The following PLEKHB2 variants were observed in gnomAD, a reference collection of about 807,000 sequenced individuals.
The protein encoded by PLEKHB2 is pleckstrin homology domain containing B2, also known as pleckstrin homology domain-containing family B member 2.
In PLEKHB2, 31 loss-of-function variants were observed where a neutral mutation model predicts 36.5. The observed-to-expected ratio is 0.85, with a 90% confidence interval of 0.64 to 1.15. The LOEUF (loss-of-function observed/expected upper bound fraction) is 1.15, where lower values mean the gene tolerates loss of function less well. Among genes scored for constraint, PLEKHB2 ranks in the 50% most tolerant of loss-of-function variants. The pLI is 0.00. For missense variants in PLEKHB2, 262 were observed against 295.3 expected, an observed-to-expected ratio of 0.89 and a Z score of 0.83; for synonymous variants, 119 against 112.0, an observed-to-expected ratio of 1.06 and a Z score of -0.39.
In PLEKHB2 at chr2:131,148,581, C is replaced by T. The variant is rs1422113059; in HGVS notation, c.*1808C>T. ...CTGTCTTGCTTTGCTGCTCAGCCAC[C>T]TCCCTCTGAGGCCAACTTAGGCCAA... On this transcript the variant is annotated 3_prime_UTR_variant, in exon 8 of 8. Coordinates refer to ENST00000693505, the MANE Select transcript of PLEKHB2 (RefSeq NM_001100623.2). The T allele has an allele frequency of 6.6e-6, 1 of 152,232 alleles. No homozygotes were observed. The highest frequency in any genetic ancestry group is 1.9e-4 in the East Asian group (1 of 5,186). The allele number at this position is 152,232 out of a possible 1,614,324, so 9.4% of individuals were successfully genotyped here.
rs148043612 is a variant in PLEKHB2, at chr2:131,134,290, G to A, written c.423+1299G>A. ...CAACCTCCACCTCCCGGGTTCAAGCGGTTCTCCTGCCTCAGCTTCCCAAAG... is the reference window on the plus strand; with the variant it reads ...CAACCTCCACCTCCCGGGTTCAAGCAGTTCTCCTGCCTCAGCTTCCCAAAG... On this transcript the variant is annotated intron_variant, in intron 6 of 7. Coordinates refer to ENST00000693505, the MANE Select transcript of PLEKHB2 (RefSeq NM_001100623.2). Among the ~76,000 whole-genome samples, 876 of 151,768 alleles carry A rather than the reference G, an allele frequency of 5.8e-3. 13 individuals carry two copies. Among genetic ancestry groups the A allele is most frequent in the African/African-American group, 0.021 (853 of 41,354 alleles).
At chr2:131,142,209 G>A (rs1011713899) in intron 7 of PLEKHB2, among the ~76,000 whole-genome samples, 6 of 152,208 alleles carry the variant, frequency 3.9e-5, no homozygotes, top group Non-Finnish European at 8.8e-5. Flanking sequence ...CACAGGCGGT[G>A]CCCCAGAGGG....
intron 1 of PLEKHB2, among the ~76,000 whole-genome samples, chr2:131,116,305 C>T (rs1181726426): frequency 6.6e-6 from 1 of 152,106 alleles, no homozygotes; most frequent in African/African-American, 2.4e-5. Flanking sequence ...GACTCAACTG[C>T]CTGAAAAGTA....
At chr2:131,111,098 G>A (rs370253405) in intron 1 of PLEKHB2, among the ~76,000 whole-genome samples, 17 of 152,004 alleles carry the variant, frequency 1.1e-4, no homozygotes, top group African/African-American at 3.6e-4. Context: ...TCCGTCTCCC[G>A]GGTTCAAGTG....
At chr2:131,132,304 G>A (rs1697783381) in intron 5 of PLEKHB2, among the ~76,000 whole-genome samples, 2 of 152,112 alleles carry the variant, frequency 1.3e-5, no homozygotes, top group Non-Finnish European at 2.9e-5. Flanking sequence ...TGTTGAGAGT[G>A]CTGTAACATC....
intron 2 of PLEKHB2, among the ~76,000 whole-genome samples, chr2:131,123,809 A>G (rs1479528046): frequency 9.3e-5 from 3 of 32,336 alleles, no homozygotes; most frequent in African/African-American, 2.6e-4. Context: ...CGGCCTCCCA[A>G]AGTGCTAGGA....
At chr2:131,125,063 C>T (rs1425743113) in intron 2 of PLEKHB2, among the ~76,000 whole-genome samples, 1 of 152,078 alleles carries the variant, frequency 6.6e-6, no homozygotes, top group African/African-American at 2.4e-5. Flanking sequence ...GGATTACACG[C>T]GTGAACCACC....
At chr2:131,116,037 C>T (rs1344503297) in intron 1 of PLEKHB2, among the ~76,000 whole-genome samples, 1 of 152,186 alleles carries the variant, frequency 6.6e-6, no homozygotes, top group Non-Finnish European at 1.5e-5. Context: ...TAAGAAGCTA[C>T]TTGAGTCAGC....
chr2:131,147,263 C>T lies in PLEKHB2; in HGVS notation c.*490C>T, dbSNP rs1434965176. Reference sequence around the variant, plus strand: ...GTAAGCTCCCAGGTACTTCCCGAGGCTATGGTGTGAGAGCCCCCGTCCTGC... The same window carrying T: ...GTAAGCTCCCAGGTACTTCCCGAGGTTATGGTGTGAGAGCCCCCGTCCTGC... On this transcript the variant is annotated 3_prime_UTR_variant, in exon 8 of 8. Coordinates refer to ENST00000693505, the MANE Select transcript of PLEKHB2 (RefSeq NM_001100623.2). The T allele has an allele frequency of 6.6e-6, 1 of 152,336 alleles. No homozygotes were observed. Among genetic ancestry groups the T allele is most frequent in the Non-Finnish European group, 1.5e-5 (1 of 68,130 alleles). The allele number at this position is 152,336 out of a possible 1,614,324, so 9.4% of individuals were successfully genotyped here. A position where few individuals can be genotyped will look rare whatever the true frequency, so the allele number is the denominator to read the frequency against.
At chr2:131,146,552 T>C (rs899172711) in intron 7 of PLEKHB2, 85 bp from the exon 8 acceptor site, 88 of 1,417,682 alleles carry the variant, frequency 6.2e-5, no homozygotes, top group Non-Finnish European at 8.0e-5. Flanking sequence ...GCAGATCCCT[T>C]TTGTGAAAGG....
chr2:131,113,389 T>A (rs1167016722), intron 1 of PLEKHB2, among the ~76,000 whole-genome samples: 1 of 152,176 alleles, frequency 6.6e-6, no homozygotes, highest in Non-Finnish European at 1.5e-5. Context: ...CATAATTGAT[T>A]TCTTGCTTGG....
chr2:131,113,087 AT>A (rs11292569), intron 1 of PLEKHB2, among the ~76,000 whole-genome samples: 79,380 of 146,174 alleles, frequency 0.54, 23,570 homozygotes, highest in East Asian at 0.76. Flanking sequence ...TCGCTGAAGA[AT>A]TTTTTTTTTT....
At chr2:131,143,269 G>T (rs1698969872) in intron 7 of PLEKHB2, among the ~76,000 whole-genome samples, 1 of 152,218 alleles carries the variant, frequency 6.6e-6, no homozygotes, top group Non-Finnish European at 1.5e-5. Flanking sequence ...GAGCATCTCT[G>T]TTAACATGTC....
At chr2:131,139,278 TGTCTTCTCTCTCTTCA>T (rs1698550461) in intron 6 of PLEKHB2, among the ~76,000 whole-genome samples, 1 of 152,208 alleles carries the variant, frequency 6.6e-6, no homozygotes, top group Non-Finnish European at 1.5e-5. Context: ...CTCTCCCGTC[TGTCTTCTCTCTCTTCA>T]GTCTTCTTGT....
At chr2:131,105,938 T>TC (rs2104745058) in intron 1 of PLEKHB2, among the ~76,000 whole-genome samples, 1 of 152,246 alleles carries the variant, frequency 6.6e-6, no homozygotes, top group African/African-American at 2.4e-5. Flanking sequence ...CCCAGAGGTC[T>TC]CCCCTCCTTA....
intron 2 of PLEKHB2, among the ~76,000 whole-genome samples, chr2:131,122,147 G>A (rs1260108064): frequency 2.6e-5 from 4 of 151,952 alleles, no homozygotes; most frequent in South Asian, 2.1e-4. Flanking sequence ...TGCCCGCCTC[G>A]GCCTCCCAAA....
chr2:131,105,828 C>A (rs750395633), intron 1 of PLEKHB2, among the ~76,000 whole-genome samples: 1 of 152,134 alleles, frequency 6.6e-6, no homozygotes, highest in Non-Finnish European at 1.5e-5. Context: ...TGTCTGACTG[C>A]CGGGACCTGC....
At chr2:131,123,518 A>G (rs918684803) in intron 2 of PLEKHB2, among the ~76,000 whole-genome samples, 2 of 152,072 alleles carry the variant, frequency 1.3e-5, no homozygotes, top group Admixed American at 6.5e-5. Context: ...CTGTGGCTCT[A>G]TTTAGTAGGG....
At chr2:131,124,814 G>C (rs111330713) in intron 2 of PLEKHB2, among the ~76,000 whole-genome samples, 3,271 of 151,332 alleles carry the variant, frequency 0.022, 117 homozygotes, top group African/African-American at 0.075. Flanking sequence ...GAGACGGAGT[G>C]TTGCTCTGTC....
Sources: gnomAD v4.1 joint callset for allele counts (sites outside exome capture counted in the v4.1 genomes callset) on GRCh38, gnomAD v4.1.1 for gene constraint, MANE v1.5 for transcripts, NCBI Gene and HGNC (gene_info 2026-07-23, HGNC 2026-07-21) for gene names.